NFATC3: variants seen among roughly 807,000 people sequenced by gnomAD.
NFATC3 encodes nuclear factor of activated T cells 3, also known as nuclear factor of activated T-cells, cytoplasmic 3.
A neutral mutation model predicts 98.6 loss-of-function variants in NFATC3; 46 were observed. The ratio of observed to expected loss-of-function variants is 0.47; its 90% CI spans 0.37 to 0.60. The LOEUF (loss-of-function observed/expected upper bound fraction) is 0.60. Among genes scored for constraint, NFATC3 ranks in the 20% least tolerant of loss-of-function variants. NFATC3 has a pLI of 0.00. For synonymous variants in NFATC3, 512 were observed against 472.2 expected (o/e 1.08, Z -1.09); for missense variants, 1,256 against 1,295.5 (o/e 0.97, Z 0.47).
chr16:68,164,044 G>A lies in NFATC3; in HGVS notation c.1602-2799G>A, dbSNP rs2039056976. On this transcript the variant is annotated intron_variant, in intron 4 of 9. Coordinates refer to ENST00000346183, the MANE Select transcript of NFATC3 (RefSeq NM_173165.3). ...CAATCTCGGCACTTTGGGAGGCCAAGGCAGGCGGCTGGGAGGTGGAGGTTG... is the reference window on the plus strand; with the variant it reads ...CAATCTCGGCACTTTGGGAGGCCAAAGCAGGCGGCTGGGAGGTGGAGGTTG... 2.0e-5 allele frequency among the ~76,000 whole-genome samples: 3 copies of A among 152,126 alleles called. No individual in the cohort carries two copies. In the South Asian group the frequency reaches 6.2e-4, roughly 31 times the overall value.
intron 9 of NFATC3, among the ~76,000 whole-genome samples, chr16:68,192,424 C>A (rs750643544): frequency 6.7e-6 from 1 of 150,326 alleles, no homozygotes. Flanking sequence ...TTGCTGAATA[C>A]GAGATCTTTT....
Position 68,157,858 on chromosome 16 carries a change from T to C in NFATC3, c.1402-11T>C. 6.2e-7 allele frequency: 1 copy of C among 1,607,330 alleles called. No individual in the cohort carries two copies. Among genetic ancestry groups the C allele is most frequent in the Non-Finnish European group, 8.5e-7 (1 of 1,176,410 alleles). ...GAATTGTGCTTTTCTGTGTTTCTTT[T>C]TCCTGATTAGCTCCTGGGCTATAAC... On this transcript the variant is annotated splice_polypyrimidine_tract_variant and intron_variant, in intron 3 of 9. Transcript: ENST00000346183.
chr16:68,157,929 C>T lies in NFATC3; in HGVS notation c.1462C>T (p.Arg488Ter). 1 of 1,613,594 alleles carries T rather than the reference C, an allele frequency of 6.2e-7. No individual in the cohort carries two copies. The highest frequency in any genetic ancestry group is 8.5e-7 in the Non-Finnish European group (1 of 1,179,778). Residue 488 changes from arginine to a stop codon, truncating the protein, a stop_gained, in exon 4 of 10, where the codon CGA becomes TGA. Transcript: ENST00000346183. LOFTEE classifies it high-confidence loss of function. ...AATGTTTATTGGGACAGCAGATGAT[C>T]GATATTTACGACCTCATGCATTTTA... Reference protein sequence around the residue: ...LQMFIGTADDRYLRPHAFYQV... With the variant: ...LQMFIGTADD
intron 9 of NFATC3, chr16:68,221,472 T>C: frequency 7.7e-7 from 1 of 1,298,262 alleles, no homozygotes; most frequent in African/African-American, 1.5e-5. Flanking sequence ...TTGAGCATGA[T>C]TTTTGTTGTC....
At position 68,126,723 on chromosome 16, in the gene NFATC3, G is replaced by A. The variant is rs2036852478; in HGVS notation, c.1401+113G>A. 9.8e-6 allele frequency: 10 copies of A among 1,023,928 alleles called. No homozygotes were observed. The South Asian group carries it at 1.5e-4, about 16-fold the overall frequency. The allele number at this position is 1,023,928 out of a possible 1,614,324, so 63.4% of individuals were successfully genotyped here. On this transcript the variant is annotated intron_variant, in intron 3 of 9. Coordinates refer to ENST00000346183, the MANE Select transcript of NFATC3 (RefSeq NM_173165.3). Reference sequence around the variant, plus strand: ...AAGAGCATAAACTCAAAACTAGAGAGCCTCTGTTGTTTTGGGGGCTTGTTG... The same window carrying A: ...AAGAGCATAAACTCAAAACTAGAGAACCTCTGTTGTTTTGGGGGCTTGTTG...
Position 68,085,665 on chromosome 16 carries a change from C to G in NFATC3, c.-17C>G. The G allele has an allele frequency of 6.7e-7, 1 of 1,501,580 alleles. No individual in the cohort carries two copies. The highest frequency in any genetic ancestry group is 2.9e-5 in the East Asian group (1 of 34,680). The allele number at this position is 1,501,580 out of a possible 1,614,324, so 93.0% of individuals were successfully genotyped here. On this transcript the variant is annotated 5_prime_UTR_variant, in exon 1 of 10. Coordinates refer to ENST00000346183, the MANE Select transcript of NFATC3 (RefSeq NM_173165.3). ...GCCGCCGCCTGAGGAGGAGCTGCAG[C>G]ACCCTGGGCCACGCCGATGACTACT...
intron 1 of NFATC3, among the ~76,000 whole-genome samples, chr16:68,100,338 C>T (rs980720988): frequency 6.6e-6 from 1 of 152,036 alleles, no homozygotes; most frequent in East Asian, 1.9e-4. Context: ...TTTGGGAGGC[C>T]GAGGTAGGCA....
At chr16:68,099,639 A>G (rs1005258624) in intron 1 of NFATC3, among the ~76,000 whole-genome samples, 1 of 151,676 alleles carries the variant, frequency 6.6e-6, no homozygotes, top group African/African-American at 2.4e-5. Context: ...AATAAAAAAT[A>G]TAGAACTGTT....
At chr16:68,167,518 A>G (rs2039250991) in intron 5 of NFATC3, among the ~76,000 whole-genome samples, 1 of 152,192 alleles carries the variant, frequency 6.6e-6, no homozygotes, top group African/African-American at 2.4e-5. Context: ...AAACCAAGAT[A>G]CAAGAAAAGA....
At chr16:68,114,245 G>T (rs186831472) in intron 1 of NFATC3, among the ~76,000 whole-genome samples, 2 of 152,070 alleles carry the variant, frequency 1.3e-5, no homozygotes, top group South Asian at 2.1e-4. Context: ...GCTTTTCCTA[G>T]CTCTGTGTGG....
chr16:68,185,938 A>T (rs2040181890), intron 8 of NFATC3, among the ~76,000 whole-genome samples: 2 of 152,116 alleles, frequency 1.3e-5, no homozygotes, highest in African/African-American at 4.8e-5. Context: ...AGGACAATAA[A>T]AAGGCAGAAT....
intron 4 of NFATC3, among the ~76,000 whole-genome samples, chr16:68,163,714 C>T (rs1171083249): frequency 6.8e-5 from 10 of 147,280 alleles, no homozygotes; most frequent in African/African-American, 1.8e-4. Flanking sequence ...CGCTCCTCAC[C>T]TCCCAGACGG....
intron 8 of NFATC3, among the ~76,000 whole-genome samples, chr16:68,190,003 C>T (rs2040369044): frequency 6.6e-6 from 1 of 152,184 alleles, no homozygotes; most frequent in Non-Finnish European, 1.5e-5. Context: ...TGCACGATGG[C>T]ACTCCAGCCT....
intron 3 of NFATC3, among the ~76,000 whole-genome samples, chr16:68,149,449 A>G (rs2038203858): frequency 6.6e-6 from 1 of 152,236 alleles, no homozygotes; most frequent in African/African-American, 2.4e-5. Flanking sequence ...CTAATATAAA[A>G]GGCAATTATT....
At chr16:68,121,589 G>C (rs888894886) in intron 1 of NFATC3, among the ~76,000 whole-genome samples, 2 of 150,752 alleles carry the variant, frequency 1.3e-5, no homozygotes, top group East Asian at 3.9e-4. Flanking sequence ...GATCACTTGA[G>C]CCTAGGATGG....
chr16:68,091,593 G>A (rs2034711879), intron 1 of NFATC3, among the ~76,000 whole-genome samples: 1 of 152,182 alleles, frequency 6.6e-6, no homozygotes, highest in African/African-American at 2.4e-5. Context: ...TAGTTGAGTA[G>A]TAGATAATTC....
intron 5 of NFATC3, among the ~76,000 whole-genome samples, chr16:68,169,278 T>A (rs1272182973): frequency 6.6e-6 from 1 of 152,120 alleles, no homozygotes; most frequent in African/African-American, 2.4e-5. Flanking sequence ...AGTTATTAAT[T>A]CATTTATTTG....
intron 9 of NFATC3, chr16:68,225,078 G>A (rs9922934): frequency 0.22 from 33,050 of 151,912 alleles, 4,155 homozygotes; most frequent in African/African-American, 0.34. Flanking sequence ...TCACCCTCCC[G>A]AGTAGCTGGG....
At chr16:68,221,179 T>C (rs553849438) in intron 9 of NFATC3, 27 of 1,612,390 alleles carry the variant, frequency 1.7e-5, no homozygotes, top group African/African-American at 2.7e-5. Context: ...ATGACTTACA[T>C]TTACATTACA....
Sources: gnomAD v4.1 joint callset for allele counts (sites outside exome capture counted in the v4.1 genomes callset) on GRCh38, gnomAD v4.1.1 for gene constraint, MANE v1.5 for transcripts, NCBI Gene and HGNC (gene_info 2026-07-23, HGNC 2026-07-21) for gene names.